The following ADGRB3 variants were observed in gnomAD, a reference collection of about 807,000 sequenced individuals.
ADGRB3 encodes brain-specific angiogenesis inhibitor 3.
ADGRB3 carries 37 observed loss-of-function variants against 193.4 expected under a neutral mutation model. The observed-to-expected ratio is 0.19, with a 90% confidence interval of 0.15 to 0.25. The LOEUF is 0.25. Ranked by LOEUF, ADGRB3 falls within the 10% of genes least tolerant of loss-of-function variation. The pLI, the probability that ADGRB3 is intolerant of heterozygous loss-of-function variation, is 1.00. For synonymous variants in ADGRB3, 690 were observed against 644.2 expected, an observed-to-expected ratio of 1.07 and a Z score of -1.08; for missense variants, 1,637 against 1,852.9, an observed-to-expected ratio of 0.88 and a Z score of 2.14.
Position 69,250,271 on chromosome 6 carries a change from T to C in ADGRB3, c.2814+11045T>C, listed in dbSNP as rs150230390. Among the ~76,000 whole-genome samples the C allele has an allele frequency of 3.0e-3, 450 of 152,322 alleles. 1 individual carries two copies. The highest frequency in any genetic ancestry group is 0.01 in the African/African-American group (423 of 41,580). On this transcript the variant is annotated intron_variant, in intron 20 of 31. Transcript: ENST00000370598. ...TGATTTTTCCTAATGAATAGAAAGATGTGTATTGCTTTTACAAAATACAAA... is the reference window on the plus strand; with the variant it reads ...TGATTTTTCCTAATGAATAGAAAGACGTGTATTGCTTTTACAAAATACAAA...
At chr6:68,909,681 TCGG>T (rs1359358468) in intron 3 of ADGRB3, among the ~76,000 whole-genome samples, 1 of 152,182 alleles carries the variant, frequency 6.6e-6, no homozygotes, top group Non-Finnish European at 1.5e-5. Context: ...CGCTTCTTTG[TCGG>T]TCTCAGAGTG....
chr6:68,941,215 A>T (rs1467897923), intron 5 of ADGRB3, among the ~76,000 whole-genome samples: 1 of 152,186 alleles, frequency 6.6e-6, no homozygotes, highest in African/African-American at 2.4e-5. Flanking sequence ...ATTAAAATAA[A>T]AATGTCTAAT....
At chr6:69,093,640 G>T (rs936078553) in intron 17 of ADGRB3, among the ~76,000 whole-genome samples, 1 of 150,184 alleles carries the variant, frequency 6.7e-6, no homozygotes, top group South Asian at 2.1e-4. Context: ...GGGGAGCCCA[G>T]GATCTAGGGA....
intron 3 of ADGRB3, among the ~76,000 whole-genome samples, chr6:68,817,303 CCATGTATATATATATATATATATATA>C (rs1367267785): frequency 3.1e-5 from 1 of 32,726 alleles, no homozygotes; most frequent in Non-Finnish European, 7.4e-5. Flanking sequence ...TCCCTTTTGT[CCATGTATATATATATATATATATATA>C]TATATATATA....
At chr6:68,995,399 G>A (rs1160682136) in intron 11 of ADGRB3, among the ~76,000 whole-genome samples, 2 of 152,168 alleles carry the variant, frequency 1.3e-5, no homozygotes, top group African/African-American at 4.8e-5. Context: ...TCTCAAAAGT[G>A]TAGGGCTTCA....
chr6:69,105,162 T>C (rs1773173323), intron 17 of ADGRB3, among the ~76,000 whole-genome samples: 1 of 152,186 alleles, frequency 6.6e-6, no homozygotes, highest in Non-Finnish European at 1.5e-5. Context: ...TAAAATCAAA[T>C]TTCATCTGAT....
In ADGRB3 at chr6:68,926,002, G is replaced by T. The variant is rs867803001; in HGVS notation, c.758-4557G>T. Among the ~76,000 whole-genome samples, 5 of 152,060 alleles carry T rather than the reference G, an allele frequency of 3.3e-5. No individual in the cohort carries two copies. The South Asian group carries it at 1.0e-3, about 32-fold the overall frequency. ...TTTATGGATAATAACCTTATTGACA[G>T]CAGGAATTTTGACCATCATAATCAT... On this transcript the variant is annotated intron_variant, in intron 3 of 31. Coordinates refer to ENST00000370598, the MANE Select transcript of ADGRB3 (RefSeq NM_001704.3).
At chr6:68,812,142 C>T (rs1049490228) in intron 3 of ADGRB3, among the ~76,000 whole-genome samples, 4 of 152,022 alleles carry the variant, frequency 2.6e-5, no homozygotes, top group Admixed American at 6.6e-5. Flanking sequence ...GACACTGAGT[C>T]GATGAGTAGA....
chr6:69,046,380 A>G (rs773517047), intron 13 of ADGRB3, among the ~76,000 whole-genome samples: 1 of 152,220 alleles, frequency 6.6e-6, no homozygotes, highest in Non-Finnish European at 1.5e-5. Flanking sequence ...GACTCAAGAA[A>G]GAATGTCCTA....
chr6:68,663,140 C>T (rs1768709676), intron 3 of ADGRB3, among the ~76,000 whole-genome samples: 1 of 151,346 alleles, frequency 6.6e-6, no homozygotes, highest in East Asian at 2.0e-4. Flanking sequence ...TATTTCAATT[C>T]ATTTTCCTAA....
chr6:69,011,314 T>C (rs1473202135), intron 11 of ADGRB3, among the ~76,000 whole-genome samples: 1 of 152,014 alleles, frequency 6.6e-6, no homozygotes, highest in Non-Finnish European at 1.5e-5. Context: ...AATGAAATCA[T>C]GCCCTGTGCT....
At chr6:69,116,628 G>A (rs1297102775) in intron 17 of ADGRB3, among the ~76,000 whole-genome samples, 1 of 152,150 alleles carries the variant, frequency 6.6e-6, no homozygotes, top group African/African-American at 2.4e-5. Flanking sequence ...GCAATTTCTT[G>A]CTCCAGGTAG....
chr6:69,309,802 C>T (rs1399275486), intron 20 of ADGRB3, among the ~76,000 whole-genome samples: 1 of 151,646 alleles, frequency 6.6e-6, no homozygotes, highest in Non-Finnish European at 1.5e-5. Flanking sequence ...ACTTTGACTA[C>T]TGCCACGCTT....
chr6:68,690,277 G>C (rs574841642), intron 3 of ADGRB3, among the ~76,000 whole-genome samples: 1 of 152,208 alleles, frequency 6.6e-6, no homozygotes, highest in African/African-American at 2.4e-5. Context: ...TGTGTGTGCA[G>C]GAAGTTTTTC....
At chr6:68,997,506 A>AAAG (rs1769421170) in intron 11 of ADGRB3, among the ~76,000 whole-genome samples, 1 of 150,642 alleles carries the variant, frequency 6.6e-6, no homozygotes, top group African/African-American at 2.4e-5. Flanking sequence ...AAAAAAAAAA[A>AAAG]AAAGCAGTGC....
At chr6:69,099,411 A>G (rs1298826893) in intron 17 of ADGRB3, among the ~76,000 whole-genome samples, 2 of 152,108 alleles carry the variant, frequency 1.3e-5, no homozygotes, top group Non-Finnish European at 2.9e-5. Flanking sequence ...CTCCTGTGCT[A>G]ATTTCCTTAT....
At chr6:68,673,954 ATAG>A (rs1769023003) in intron 3 of ADGRB3, among the ~76,000 whole-genome samples, 1 of 152,154 alleles carries the variant, frequency 6.6e-6, no homozygotes, top group Non-Finnish European at 1.5e-5. Flanking sequence ...TGCCAAAATT[ATAG>A]TAAATTTAAG....
intron 3 of ADGRB3, among the ~76,000 whole-genome samples, chr6:68,848,160 A>C (rs915922070): frequency 6.6e-6 from 1 of 152,116 alleles, no homozygotes; most frequent in Non-Finnish European, 1.5e-5. Flanking sequence ...ACATAAAAAT[A>C]AGAAATTGTG....
chr6:68,934,163 TTGATAGGTAG>T (rs1235035167), intron 4 of ADGRB3, among the ~76,000 whole-genome samples: 1 of 152,158 alleles, frequency 6.6e-6, no homozygotes, highest in African/African-American at 2.4e-5. Context: ...CAAGAACATT[TTGATAGGTAG>T]GCCACTATTT....
Sources: allele counts gnomAD v4.1 joint callset (sites outside exome capture counted in the v4.1 genomes callset), GRCh38; gene constraint gnomAD v4.1.1; transcripts MANE v1.5; gene names NCBI Gene and HGNC (gene_info 2026-07-23, HGNC 2026-07-21).